KCTD16: variants seen among roughly 807,000 people sequenced by gnomAD.
KCTD16 encodes the protein BTB/POZ domain-containing protein KCTD16.
In KCTD16, 13 loss-of-function variants were observed where a neutral mutation model predicts 33.2. That is an observed-to-expected ratio of 0.39 (90% CI 0.25 to 0.62). The LOEUF is 0.62. Ranked by LOEUF, KCTD16 falls within the 20% of genes least tolerant of loss-of-function variation. The probability of loss-of-function intolerance (pLI) is 0.50; values close to 1 mark genes in which losing one functional copy is unlikely to be tolerated. For synonymous variants in KCTD16, 197 were observed against 195.3 expected, an observed-to-expected ratio of 1.01 and a Z score of -0.07; for missense variants, 441 against 525.1, an observed-to-expected ratio of 0.84 and a Z score of 1.57.
intron 3 of KCTD16, among the ~76,000 whole-genome samples, chr5:144,404,415 C>G (rs1237485097): frequency 2.0e-5 from 3 of 152,096 alleles, no homozygotes; most frequent in Admixed American, 2.0e-4. Context: ...CCTTCGTATT[C>G]AATGAATATT....
chr5:144,382,031 T>TACAC (rs1255372396), intron 3 of KCTD16, among the ~76,000 whole-genome samples: 1 of 151,714 alleles, frequency 6.6e-6, no homozygotes, highest in Non-Finnish European at 1.5e-5. Flanking sequence ...CATACATACA[T>TACAC]ACATACATAC....
In KCTD16 at chr5:144,207,419, G is replaced by A. The variant is rs1237209213; in HGVS notation, c.705G>A (p.Arg235=). The A allele has an allele frequency of 4.3e-6, 7 of 1,614,156 alleles. No individual in the cohort carries two copies. Among genetic ancestry groups the A allele is most frequent in the East Asian group, 2.2e-5 (1 of 44,888 alleles). Residue 235 remains arginine, a synonymous_variant, in exon 3 of 4, where the codon AGG becomes AGA. Coordinates refer to ENST00000512467, the MANE Select transcript of KCTD16 (RefSeq NM_020768.4). The part of the protein sequence containing the change: ...RFYLKFKHLE[R]AFDMLSECGF... The stretch of plus-strand genomic sequence containing the variant: ...ATCTCAAATTCAAGCACCTGGAAAG[G>A]GCTTTTGATATGTTGTCAGAGTGTG...
At chr5:144,347,318 G>A (rs1301317413) in intron 3 of KCTD16, among the ~76,000 whole-genome samples, 1 of 152,218 alleles carries the variant, frequency 6.6e-6, no homozygotes, top group South Asian at 2.1e-4. Context: ...AAACCGGCTG[G>A]GCACAGTGGC....
intron 3 of KCTD16, among the ~76,000 whole-genome samples, chr5:144,330,374 C>G (rs1351779593): frequency 1.4e-5 from 2 of 143,558 alleles, no homozygotes; most frequent in Non-Finnish European, 3.0e-5. Context: ...GAACATACCA[C>G]TGCACTCCAG....
intron 3 of KCTD16, among the ~76,000 whole-genome samples, chr5:144,469,420 C>G (rs1006798230): frequency 6.6e-6 from 1 of 152,130 alleles, no homozygotes; most frequent in Non-Finnish European, 1.5e-5. Context: ...CCAGCTAGAT[C>G]TAAGTATTAG....
intron 3 of KCTD16, among the ~76,000 whole-genome samples, chr5:144,421,386 TG>T (rs1357500520): frequency 1.3e-5 from 2 of 152,142 alleles, no homozygotes; most frequent in Non-Finnish European, 2.9e-5. Flanking sequence ...TCTATTGTCC[TG>T]GGGAGTCAGT....
At chr5:144,287,502 C>T (rs901118670) in intron 3 of KCTD16, among the ~76,000 whole-genome samples, 40 of 152,246 alleles carry the variant, frequency 2.6e-4, no homozygotes, top group African/African-American at 9.1e-4. Context: ...GTAAGTAATC[C>T]ATCCAAGATT....
chr5:144,483,703 A>G lies in KCTD16; in HGVS notation c.*9589A>G, dbSNP rs1054701664. Reference sequence around the variant, plus strand: ...TGTGAAAAATATTTAAAGTCAACCTATGCAAACAGAGATTCCCTGCTGCTC... The same window carrying G: ...TGTGAAAAATATTTAAAGTCAACCTGTGCAAACAGAGATTCCCTGCTGCTC... On this transcript the variant is annotated 3_prime_UTR_variant, in exon 4 of 4. Transcript: ENST00000512467. 5.3e-5 allele frequency: 8 copies of G among 152,004 alleles called. No individual in the cohort carries two copies. Among genetic ancestry groups the G allele is most frequent in the African/African-American group, 1.9e-4 (8 of 41,408 alleles). 9.4% of individuals were successfully genotyped at this position (152,004 alleles called of 1,614,324 possible). A position where few individuals can be genotyped will look rare whatever the true frequency, so the allele number is the denominator to read the frequency against.
chr5:144,434,878 T>A (rs1304937522), intron 3 of KCTD16, among the ~76,000 whole-genome samples: 1 of 152,180 alleles, frequency 6.6e-6, no homozygotes, highest in Non-Finnish European at 1.5e-5. Flanking sequence ...ATATGAATGC[T>A]TATTTCCTAA....
rs142444127 is a variant in KCTD16 at position 144,277,723 on chromosome 5, T to C, written c.832+70177T>C. 1.8e-4 allele frequency among the ~76,000 whole-genome samples: 28 copies of C among 152,360 alleles called. No individual in the cohort carries two copies. In the East Asian group the frequency reaches 4.4e-3, roughly 24 times the overall value. ...AATGTTTAGATTCTAACTATTTTAA[T>C]AGGTGTGTAGTTATAGCTCATGGTG... On this transcript the variant is annotated intron_variant, in intron 3 of 3. Coordinates refer to ENST00000512467, the MANE Select transcript of KCTD16 (RefSeq NM_020768.4).
intron 3 of KCTD16, among the ~76,000 whole-genome samples, chr5:144,350,264 A>G (rs1355860196): frequency 2.0e-5 from 3 of 152,184 alleles, no homozygotes; most frequent in African/African-American, 7.2e-5. Context: ...TTCAAGCCAC[A>G]TAAAAAAATT....
chr5:144,311,040 C>G (rs1449174751), intron 3 of KCTD16, among the ~76,000 whole-genome samples: 1 of 152,178 alleles, frequency 6.6e-6, no homozygotes, highest in Non-Finnish European at 1.5e-5. Flanking sequence ...ACCTTTACCA[C>G]TCAAACCAAT....
chr5:144,431,034 C>A (rs185201143), intron 3 of KCTD16, among the ~76,000 whole-genome samples: 336 of 152,156 alleles, frequency 2.2e-3, no homozygotes, highest in Non-Finnish European at 3.3e-3. Flanking sequence ...CGTATAGCCC[C>A]AAGAAAGCTC....
chr5:144,185,783 A>G (rs1024469881), intron 2 of KCTD16, among the ~76,000 whole-genome samples: 4 of 152,218 alleles, frequency 2.6e-5, no homozygotes, highest in African/African-American at 7.2e-5. Flanking sequence ...CTTGTCATGA[A>G]TGATTTGAGT....
intron 2 of KCTD16, among the ~76,000 whole-genome samples, chr5:144,180,064 C>T (rs189237241): frequency 7.2e-5 from 11 of 152,274 alleles, no homozygotes; most frequent in African/African-American, 2.4e-4. Context: ...TCCATACAAG[C>T]CAGGATCACC....
intron 3 of KCTD16, among the ~76,000 whole-genome samples, chr5:144,362,605 T>C (rs1239784781): frequency 6.6e-6 from 1 of 152,202 alleles, no homozygotes; most frequent in Non-Finnish European, 1.5e-5. Context: ...AATAGTAATA[T>C]AATTATTGGT....
intron 3 of KCTD16, among the ~76,000 whole-genome samples, chr5:144,316,480 C>T (rs1251405826): frequency 2.0e-5 from 3 of 151,628 alleles, no homozygotes; most frequent in Non-Finnish European, 2.9e-5. Flanking sequence ...CGTAATTTTT[C>T]CCCCATCTTC....
At chr5:144,198,734 C>A (rs1260529449) in intron 2 of KCTD16, among the ~76,000 whole-genome samples, 1 of 151,904 alleles carries the variant, frequency 6.6e-6, no homozygotes, top group Non-Finnish European at 1.5e-5. Context: ...AGATACTTTC[C>A]AAGTTAGAAG....
intron 3 of KCTD16, among the ~76,000 whole-genome samples, chr5:144,309,348 A>C (rs1751694269): frequency 6.6e-6 from 1 of 151,296 alleles, no homozygotes; most frequent in East Asian, 1.9e-4. Flanking sequence ...GACCCAGGGC[A>C]TTCATATCTC....
Sources: gnomAD v4.1 joint callset for allele counts (sites outside exome capture counted in the v4.1 genomes callset) on GRCh38, gnomAD v4.1.1 for gene constraint, MANE v1.5 for transcripts, NCBI Gene and HGNC (gene_info 2026-07-23, HGNC 2026-07-21) for gene names.